Variants in ZNF224 observed in about 807,000 individuals in gnomAD.
The protein encoded by ZNF224 is zinc finger protein 224.
A neutral mutation model predicts 10.5 loss-of-function variants in ZNF224; 8 were observed. That is an observed-to-expected ratio of 0.76 (90% CI 0.45 to 1.37). The LOEUF is 1.37. ZNF224 is among the 40% of genes most tolerant of loss of function. The probability of loss-of-function intolerance (pLI) is 0.00; values close to 1 mark genes in which losing one functional copy is unlikely to be tolerated. For synonymous variants in ZNF224, 282 were observed against 287.8 expected, an observed-to-expected ratio of 0.98 and a Z score of 0.20; for missense variants, 754 against 854.0, an observed-to-expected ratio of 0.88 and a Z score of 1.46.
rs751593730 is a variant in ZNF224 at position 44,107,832 on chromosome 19, C to T, written c.1672C>T (p.His558Tyr). 6.2e-7 allele frequency: 1 copy of T among 1,601,756 alleles called. No homozygotes were observed. Residue 558 changes from histidine (H) to tyrosine (Y), a missense_variant, in exon 6 of 6, where the codon CAT (histidine) becomes TAT (tyrosine). Coordinates refer to ENST00000693561, the MANE Select transcript of ZNF224 (RefSeq NM_001321645.3). ...TGGCTGGGCCTCGTGTCTTTTGAAA[C>T]ATCAGAGACTGCACAGTGGAGAAAA... is the stretch of plus-strand genomic sequence containing the variant. ...SFGWASCLLKHQRLHSGEKPF... is the reference protein window; with the variant it reads ...SFGWASCLLKYQRLHSGEKPF...
At position 44,097,859 on chromosome 19, in the gene ZNF224, G is replaced by T; in HGVS notation, c.-15G>T. 1.9e-6 allele frequency: 3 copies of T among 1,613,874 alleles called. No homozygotes were observed. The highest frequency in any genetic ancestry group is 2.5e-6 in the Non-Finnish European group (3 of 1,179,912). ...TCACTCAGGACTCTGCAAGTTTCCA[G>T]AAGTAAGAGGGAAAATGACCACGTT... On this transcript the variant is annotated 5_prime_UTR_variant, in exon 3 of 6. Coordinates refer to ENST00000693561, the MANE Select transcript of ZNF224 (RefSeq NM_001321645.3).
In ZNF224 at chr19:44,107,168, G is replaced by A. The variant is rs140128082; in HGVS notation, c.1008G>A (p.Met336Ile). The change falls in exon 6 of 6, where the codon ATG becomes ATA. Residue 336 changes from methionine (M) to isoleucine (I), a missense_variant. Coordinates refer to ENST00000693561, the MANE Select transcript of ZNF224 (RefSeq NM_001321645.3). ...GATCAGCACTTAATAGTCATCGCAT[G>A]ATCCACACAGGAGAGAAACCATACA... is the stretch of plus-strand genomic sequence containing the variant. The part of the protein sequence containing the change: ...RQRSALNSHR[M>I]IHTGEKPYKC... 67 of 1,606,394 alleles carry A rather than the reference G, an allele frequency of 4.2e-5. No homozygotes were observed. The East Asian group carries it at 1.5e-3, about 36-fold the overall frequency.
Position 44,108,250 on chromosome 19 carries a change from T to C in ZNF224, c.2090T>C (p.Leu697Pro). The C allele has an allele frequency of 6.2e-7, 1 of 1,612,750 alleles. No individual in the cohort carries two copies. Among genetic ancestry groups the C allele is most frequent in the Non-Finnish European group, 8.5e-7 (1 of 1,179,378 alleles). ...MCFSQASSLR[L>P]HQNVHVGEKP ...TTTAGTCAGGCCTCAAGCCTTCGAC[T>C]TCATCAGAATGTTCATGTTGGAGAA... Residue 697 changes from leucine (L) to proline (P), a missense_variant, in exon 6 of 6, where the codon CTT becomes CCT. Leu to Pro is a moderately conservative substitution (Grantham distance 98). Coordinates refer to ENST00000693561, the MANE Select transcript of ZNF224 (RefSeq NM_001321645.3).
At chr19:44,106,141 A>G (rs1268437470) in intron 5 of ZNF224, 1 of 491,798 alleles carries the variant, frequency 2.0e-6, no homozygotes, top group Non-Finnish European at 3.6e-6. Context: ...AGCAGTGTAT[A>G]AGCGTTTCTT....
At chr19:44,095,255 A>C (rs1967414581) in intron 1 of ZNF224, 1 of 188,362 alleles carries the variant, frequency 5.3e-6, no homozygotes, top group Admixed American at 5.4e-5. Context: ...ATTAAGTCTT[A>C]ATTAGTAACT....
rs758098891 is a variant in ZNF224 at position 44,107,272 on chromosome 19, C to T, written c.1112C>T (p.Pro371Leu). 1.9e-6 allele frequency: 3 copies of T among 1,582,102 alleles called. No individual in the cohort carries two copies. The highest frequency in any genetic ancestry group is 2.6e-6 in the Non-Finnish European group (3 of 1,165,016). Residue 371 changes from proline to leucine, a missense_variant, in exon 6 of 6, where the codon CCA (proline) becomes CTA (leucine). Physicochemically the swap from Pro to Leu is moderately conservative, Grantham distance 98 (BLOSUM62 -3). Coordinates refer to ENST00000693561, the MANE Select transcript of ZNF224 (RefSeq NM_001321645.3). The stretch of plus-strand genomic sequence containing the variant: ...CATATGGTCCACACGGGAGAAAAGC[C>T]ATATAATTGTAAAGAGTGTGGGAAG... ...THHMVHTGEK[P>L]YNCKECGKSF... is the part of the protein sequence containing the mutation.
intron 5 of ZNF224, 27 bp downstream of exon 5, chr19:44,101,252 T>A (rs1347436784): frequency 6.2e-7 from 1 of 1,601,796 alleles, no homozygotes; most frequent in Non-Finnish European, 8.5e-7. Context: ...TGTGAATCCC[T>A]GTATGTCTCT....
chr19:44,106,903 A>C lies in ZNF224; in HGVS notation c.743A>C (p.Asn248Thr). 6.2e-7 allele frequency: 1 copy of C among 1,609,592 alleles called. No individual in the cohort carries two copies. Among genetic ancestry groups the C allele is most frequent in the South Asian group, 1.1e-5 (1 of 90,626 alleles). ...GKGFSRRSAL[N>T]VHHKLHTGEK... ...GGCTTCAGTCGTAGATCAGCACTTAATGTTCATCATAAATTACACACAGGA... is the reference window on the plus strand; with the variant it reads ...GGCTTCAGTCGTAGATCAGCACTTACTGTTCATCATAAATTACACACAGGA... Residue 248 changes from asparagine to threonine, a missense_variant, in exon 6 of 6, where the codon AAT becomes ACT. Coordinates refer to ENST00000693561, the MANE Select transcript of ZNF224 (RefSeq NM_001321645.3).
At position 44,101,188 on chromosome 19, in the gene ZNF224, G is replaced by A. The variant is rs1300338250; in HGVS notation, c.198G>A (p.Trp66Ter). 6.2e-7 allele frequency: 1 copy of A among 1,614,150 alleles called. No individual in the cohort carries two copies. The highest frequency in any genetic ancestry group is 8.5e-7 in the Non-Finnish European group (1 of 1,180,008). The change falls in exon 5 of 6, where the codon TGG becomes TGA. Residue 66 changes from tryptophan to a stop codon, truncating the protein, a stop_gained. Coordinates refer to ENST00000693561, the MANE Select transcript of ZNF224 (RefSeq NM_001321645.3). LOFTEE classifies it low-confidence loss of function (END_TRUNC). ...ACTTCCTAAGGGAAGAAAAGATTTG[G>A]ATGATGAAGACAGCAATCCAAAGGG... ...TFHFLREEKI[W>*]MMKTAIQREG...
Position 44,108,266 on chromosome 19 carries a change from T to C in ZNF224, c.2106T>C (p.His702=). Residue 702 remains histidine (H), a synonymous_variant, in exon 6 of 6, where the codon CAT becomes CAC. Coordinates refer to ENST00000693561, the MANE Select transcript of ZNF224 (RefSeq NM_001321645.3). ...GCCTTCGACTTCATCAGAATGTTCA[T>C]GTTGGAGAAAAACCTTAGTGATGTG... ...ASSLRLHQNV[H]VGEKP is the part of the protein sequence containing the mutation. 3 of 1,610,162 alleles carry C rather than the reference T, an allele frequency of 1.9e-6. No homozygotes were observed. The highest frequency in any genetic ancestry group is 1.3e-5 in the African/African-American group (1 of 74,840).
At position 44,101,655 on chromosome 19, in the gene ZNF224, G is replaced by A. The variant is rs549283681; in HGVS notation, c.235+430G>A. On this transcript the variant is annotated intron_variant, in intron 5 of 5. Coordinates refer to ENST00000693561, the MANE Select transcript of ZNF224 (RefSeq NM_001321645.3). ...CAAGGGCACTGTGTTGCCTTTTGCTGGTACCCAGTGACCACAGACTGAGCA... is the reference window on the plus strand; with the variant it reads ...CAAGGGCACTGTGTTGCCTTTTGCTAGTACCCAGTGACCACAGACTGAGCA... Among the ~76,000 whole-genome samples the A allele has an allele frequency of 2.8e-4, 42 of 152,190 alleles. 1 individual carries two copies. The highest frequency in any genetic ancestry group is 9.4e-4 in the African/African-American group (39 of 41,528).
chr19:44,098,027 T>G, intron 3 of ZNF224, 139 bp downstream of exon 3: 1 of 852,540 alleles, frequency 1.2e-6, no homozygotes, highest in Non-Finnish European at 1.8e-6. Flanking sequence ...CTTCCTTTGT[T>G]ACTTTTGAGT....
In ZNF224 at chr19:44,106,891, G is replaced by C; in HGVS notation, c.731G>C (p.Arg244Thr). ...CVECGKGFSR[R>T]SALNVHHKLH... Reference sequence around the variant, plus strand: ...GAATGTGGGAAAGGCTTCAGTCGTAGATCAGCACTTAATGTTCATCATAAA... The same window carrying C: ...GAATGTGGGAAAGGCTTCAGTCGTACATCAGCACTTAATGTTCATCATAAA... Residue 244 changes from arginine to threonine, a missense_variant, in exon 6 of 6, where the codon AGA becomes ACA. By Grantham distance (71) the Arg-to-Thr change is moderately conservative (BLOSUM62 -1). Transcript: ENST00000693561. The C allele has an allele frequency of 1.9e-6, 3 of 1,609,802 alleles. No homozygotes were observed. The highest frequency in any genetic ancestry group is 2.2e-5 in the South Asian group (2 of 90,686).
Position 44,106,831 on chromosome 19 carries a change from G to A in ZNF224, c.671G>A (p.Arg224Lys), listed in dbSNP as rs1324060954. The A allele has an allele frequency of 1.2e-6, 2 of 1,613,824 alleles. No individual in the cohort carries two copies. Among genetic ancestry groups the A allele is most frequent in the East Asian group, 2.2e-5 (1 of 44,880 alleles). The part of the protein sequence containing the change: ...SQSSHLQTHQ[R>K]VHTGEKPFKC... ...AGTTCACATCTGCAAACTCATCAGAGAGTCCACACTGGAGAGAAACCGTTC... is the reference window on the plus strand; with the variant it reads ...AGTTCACATCTGCAAACTCATCAGAAAGTCCACACTGGAGAGAAACCGTTC... Residue 224 changes from arginine to lysine, a missense_variant, in exon 6 of 6, where the codon AGA becomes AAA. Physicochemically the swap from Arg to Lys is conservative, Grantham distance 26. Coordinates refer to ENST00000693561, the MANE Select transcript of ZNF224 (RefSeq NM_001321645.3).
chr19:44,109,215 G>C lies in ZNF224; in HGVS notation c.*931G>C, dbSNP rs1967776115. ...TTACAGTAACACTTTTAAAGTGCCA[G>C]ATGTACATTGACAGAAATTTTCTTA... On this transcript the variant is annotated 3_prime_UTR_variant, in exon 6 of 6. Coordinates refer to ENST00000693561, the MANE Select transcript of ZNF224 (RefSeq NM_001321645.3). 6.6e-6 allele frequency: 1 copy of C among 152,652 alleles called. No individual in the cohort carries two copies. Among genetic ancestry groups the C allele is most frequent in the Admixed American group, 6.5e-5 (1 of 15,348 alleles). 9.5% of individuals were successfully genotyped at this position (152,652 alleles called of 1,614,324 possible).
intron 5 of ZNF224, among the ~76,000 whole-genome samples, chr19:44,103,282 G>A (rs980550940): frequency 6.6e-6 from 1 of 152,150 alleles, no homozygotes; most frequent in African/African-American, 2.4e-5. Flanking sequence ...ATTCCAGCGT[G>A]TACCATTGGG....
chr19:44,097,728 A>G (rs1967467856), intron 2 of ZNF224, 78 bp from the exon 3 acceptor site: 6 of 816,814 alleles, frequency 7.3e-6, no homozygotes, highest in Admixed American at 4.4e-5. Flanking sequence ...CCAATTCACA[A>G]TACACATCCC....
chr19:44,105,014 GTTGATT>G (rs1160187455), intron 5 of ZNF224, among the ~76,000 whole-genome samples: 1 of 152,160 alleles, frequency 6.6e-6, no homozygotes, highest in African/African-American at 2.4e-5. Flanking sequence ...GCCATTATTT[GTTGATT>G]GATTCCCATG....
At chr19:44,101,702 T>A (rs1258637058) in intron 5 of ZNF224, among the ~76,000 whole-genome samples, 3 of 152,204 alleles carry the variant, frequency 2.0e-5, no homozygotes, top group African/African-American at 7.2e-5. Context: ...AAACATTTAT[T>A]ATTTTTGTGT....
Sources: allele counts gnomAD v4.1 joint callset (sites outside exome capture counted in the v4.1 genomes callset), GRCh38; gene constraint gnomAD v4.1.1; transcripts MANE v1.5; gene names NCBI Gene and HGNC (gene_info 2026-07-23, HGNC 2026-07-21).